Variants in SPIDR observed in about 807,000 individuals in gnomAD.
SPIDR encodes DNA repair-scaffolding protein.
A neutral mutation model predicts 104.6 loss-of-function variants in SPIDR; 93 were observed. The ratio of observed to expected loss-of-function variants is 0.89; its 90% confidence interval spans 0.75 to 1.06. The LOEUF is 1.06. Ranked by LOEUF, SPIDR falls within the 50% of genes least tolerant of loss-of-function variation. The pLI is 0.00. For synonymous variants in SPIDR, 431 were observed against 416.9 expected, an observed-to-expected ratio of 1.03 and a Z score of -0.41; for missense variants, 1,154 against 1,111.2, an observed-to-expected ratio of 1.04 and a Z score of -0.55.
rs576535569 is a variant in SPIDR, at chr8:47,506,371, C to G, written c.1097+65829C>G. 1.4e-4 allele frequency among the ~76,000 whole-genome samples: 22 copies of G among 152,266 alleles called. No homozygotes were observed. In the South Asian group the frequency reaches 4.4e-3, roughly 30 times the overall value. On this transcript the variant is annotated intron_variant, in intron 8 of 19. Transcript: ENST00000297423. ...AGAAATAATGAGGGTCTCACTCTACCTAGAGGGCAGTCCCAAAATCTCGTT... is the reference window on the plus strand; with the variant it reads ...AGAAATAATGAGGGTCTCACTCTACGTAGAGGGCAGTCCCAAAATCTCGTT...
intron 8 of SPIDR, among the ~76,000 whole-genome samples, chr8:47,589,824 T>C (rs1394135236): frequency 6.6e-6 from 1 of 152,190 alleles, no homozygotes; most frequent in Non-Finnish European, 1.5e-5. Context: ...CTCTATTGCA[T>C]TGTTTTTTTC....
chr8:47,316,424 G>T (rs2045353312), intron 5 of SPIDR, among the ~76,000 whole-genome samples: 1 of 152,120 alleles, frequency 6.6e-6, no homozygotes, highest in Non-Finnish European at 1.5e-5. Flanking sequence ...TTGTTCAAAA[G>T]TGTTTATAAT....
chr8:47,409,045 G>A (rs992648358), intron 7 of SPIDR, among the ~76,000 whole-genome samples: 1 of 152,140 alleles, frequency 6.6e-6, no homozygotes, highest in African/African-American at 2.4e-5. Context: ...AATTAGCTGG[G>A]CGTGGTGGTG....
intron 5 of SPIDR, among the ~76,000 whole-genome samples, chr8:47,352,502 G>C (rs1554623115): frequency 6.6e-6 from 1 of 152,144 alleles, no homozygotes. Flanking sequence ...ACAATGTTGA[G>C]GGGTGAAAGG....
At chr8:47,609,893 C>T (rs2063404785) in intron 10 of SPIDR, among the ~76,000 whole-genome samples, 5 of 152,004 alleles carry the variant, frequency 3.3e-5, no homozygotes, top group Admixed American at 3.3e-4. Context: ...CAGTGATAGA[C>T]TTAAAGGGAA....
intron 5 of SPIDR, among the ~76,000 whole-genome samples, chr8:47,341,271 G>A (rs1554613835): frequency 1.3e-5 from 2 of 152,152 alleles, no homozygotes; most frequent in Non-Finnish European, 2.9e-5. Flanking sequence ...AATTTTCACA[G>A]CAAGGCTATG....
intron 5 of SPIDR, among the ~76,000 whole-genome samples, chr8:47,352,060 C>T (rs1408723667): frequency 2.0e-5 from 3 of 151,992 alleles, no homozygotes; most frequent in Admixed American, 6.6e-5. Context: ...AGGTGGATCA[C>T]GAGGTCAAGA....
At chr8:47,436,125 G>A (rs1346740709) in intron 7 of SPIDR, among the ~76,000 whole-genome samples, 2 of 152,162 alleles carry the variant, frequency 1.3e-5, no homozygotes, top group Non-Finnish European at 2.9e-5. Flanking sequence ...GCACTTCGTG[G>A]TACATTTGCT....
chr8:47,598,529 C>T (rs1402362642), intron 9 of SPIDR, among the ~76,000 whole-genome samples: 4 of 152,206 alleles, frequency 2.6e-5, no homozygotes, highest in African/African-American at 9.6e-5. Context: ...ATTGCACATA[C>T]AAGAACTTAA....
At chr8:47,267,936 CTA>C (rs1282441866) in intron 1 of SPIDR, among the ~76,000 whole-genome samples, 5 of 152,096 alleles carry the variant, frequency 3.3e-5, no homozygotes, top group Non-Finnish European at 5.9e-5. Context: ...AGATTTATTC[CTA>C]TGTTTTCTTC....
chr8:47,390,086 C>T (rs1354474732), intron 5 of SPIDR, among the ~76,000 whole-genome samples: 4 of 152,116 alleles, frequency 2.6e-5, no homozygotes, highest in African/African-American at 9.7e-5. Context: ...AAACATTTCA[C>T]ACCCATCAGA....
chr8:47,583,548 TAA>T (rs1010257857), intron 8 of SPIDR, among the ~76,000 whole-genome samples: 1 of 152,148 alleles, frequency 6.6e-6, no homozygotes, highest in Non-Finnish European at 1.5e-5. Flanking sequence ...AGAGAGATTG[TAA>T]AGGCCACACC....
intron 5 of SPIDR, among the ~76,000 whole-genome samples, chr8:47,320,146 A>G (rs1425268728): frequency 1.3e-5 from 2 of 152,232 alleles, no homozygotes; most frequent in African/African-American, 4.8e-5. Context: ...TCAAAAAATC[A>G]GTGAATCCAG....
intron 5 of SPIDR, among the ~76,000 whole-genome samples, chr8:47,321,245 G>C (rs1239818434): frequency 1.3e-5 from 2 of 152,288 alleles, no homozygotes; most frequent in Non-Finnish European, 2.9e-5. Context: ...CTTCAGCAAA[G>C]TCTCAGGATA....
chr8:47,332,929 A>G (rs549287651), intron 5 of SPIDR, among the ~76,000 whole-genome samples: 1 of 142,714 alleles, frequency 7.0e-6, no homozygotes, highest in African/African-American at 2.7e-5. Flanking sequence ...GGTTGCAAAA[A>G]TTTTCTCCCA....
At chr8:47,494,092 G>A (rs761701484) in intron 8 of SPIDR, among the ~76,000 whole-genome samples, 2 of 150,702 alleles carry the variant, frequency 1.3e-5, no homozygotes, top group Non-Finnish European at 3.0e-5. Context: ...GGGCTTAAGC[G>A]ATCCTCCTGC....
intron 17 of SPIDR, 45 bp from the exon 18 acceptor site, chr8:47,728,888 T>C (rs2084744661): frequency 6.4e-7 from 1 of 1,570,732 alleles, no homozygotes; most frequent in African/African-American, 1.4e-5. Flanking sequence ...TTTCCTGACT[T>C]GTGCCTCCCG....
chr8:47,532,709 A>G (rs1274150517), intron 8 of SPIDR, among the ~76,000 whole-genome samples: 1 of 152,260 alleles, frequency 6.6e-6, no homozygotes, highest in Admixed American at 6.5e-5. Flanking sequence ...ACACTCTTTT[A>G]TAAGTAATTG....
chr8:47,481,273 A>T (rs1205971126), intron 8 of SPIDR, among the ~76,000 whole-genome samples: 1 of 152,216 alleles, frequency 6.6e-6, no homozygotes. Flanking sequence ...GGAAAGAGAT[A>T]TATAATTGGA....
Sources: allele counts gnomAD v4.1 joint callset (sites outside exome capture counted in the v4.1 genomes callset), GRCh38; gene constraint gnomAD v4.1.1; transcripts MANE v1.5; gene names NCBI Gene and HGNC (gene_info 2026-07-23, HGNC 2026-07-21).